The following MEGF11 variants were observed in gnomAD, a reference collection of about 807,000 sequenced individuals.
MEGF11 encodes multiple EGF like domains 11.
MEGF11 carries 126 observed loss-of-function variants against 146.6 expected under a neutral mutation model. The ratio of observed to expected loss-of-function variants is 0.86; its 90% CI spans 0.74 to 1.00. The LOEUF (loss-of-function observed/expected upper bound fraction) is 1.00, where lower values mean the gene tolerates loss of function less well. Ranked by LOEUF, MEGF11 falls within the 50% of genes least tolerant of loss-of-function variation. MEGF11 has a pLI of 0.00. For missense variants in MEGF11, 1,509 were observed against 1,521.2 expected (o/e 0.99, Z 0.13); for synonymous variants, 532 against 583.4 (o/e 0.91, Z 1.27).
intron 4 of MEGF11, among the ~76,000 whole-genome samples, chr15:66,114,027 A>G (rs2087589739): frequency 6.6e-6 from 1 of 152,220 alleles, no homozygotes; most frequent in Non-Finnish European, 1.5e-5. Context: ...ACTGGGGCCC[A>G]GCAGTCTGTG....
At chr15:66,106,886 A>G (rs527309283) in intron 4 of MEGF11, among the ~76,000 whole-genome samples, 1 of 152,254 alleles carries the variant, frequency 6.6e-6, no homozygotes, top group South Asian at 2.1e-4. Flanking sequence ...ATATTAAAAT[A>G]TTCCTCTTCT....
chr15:65,918,069 C>G lies in MEGF11; in HGVS notation c.1983G>C (p.Gln661His), dbSNP rs1005503563. ...NQVCAGGYFG[Q>H]DCAQLCSCAN... is the part of the protein sequence containing the mutation. ...CACAGGAGCAGAGCTGGGCACAGTC[C>G]TGCCCAAAGTATCCTCCAGCACACA... The change falls in exon 16 of 26, where the codon CAG becomes CAC. Residue 661 changes from glutamine (Q) to histidine (H), a missense_variant. Physicochemically the swap from Gln to His is conservative, Grantham distance 24. Coordinates refer to ENST00000395614, the MANE Select transcript of MEGF11 (RefSeq NM_001385028.1). 3.1e-6 allele frequency: 5 copies of G among 1,613,974 alleles called. No individual in the cohort carries two copies. The highest frequency in any genetic ancestry group is 4.2e-6 in the Non-Finnish European group (5 of 1,179,876).
chr15:65,937,491 T>G (rs1301332065), intron 10 of MEGF11, among the ~76,000 whole-genome samples: 1 of 152,070 alleles, frequency 6.6e-6, no homozygotes, highest in East Asian at 1.9e-4. Flanking sequence ...CTTGGTTTCT[T>G]TATCAATCAT....
intron 10 of MEGF11, among the ~76,000 whole-genome samples, chr15:65,956,206 C>G (rs1462468971): frequency 6.6e-6 from 1 of 152,150 alleles, no homozygotes; most frequent in Non-Finnish European, 1.5e-5. Context: ...CAAGTTGAGA[C>G]CCATGGCTAC....
chr15:66,055,162 T>C lies in MEGF11; in HGVS notation c.394+39240A>G, dbSNP rs952089756. On this transcript the variant is annotated intron_variant, in intron 5 of 25. Coordinates refer to ENST00000395614, the MANE Select transcript of MEGF11 (RefSeq NM_001385028.1). ...AAGTGCTCACTGCCCTTAGACAAGA[T>C]TCGTGGTCAAACTGTACCGGTTTAG... Among the ~76,000 whole-genome samples the C allele has an allele frequency of 4.7e-4, 72 of 152,204 alleles. 3 individuals are homozygous for C.
intron 5 of MEGF11, among the ~76,000 whole-genome samples, chr15:65,988,289 T>A (rs1288893280): frequency 6.6e-6 from 1 of 152,218 alleles, no homozygotes; most frequent in African/African-American, 2.4e-5. Flanking sequence ...ATTACAGACA[T>A]GAGCCACTGC....
chr15:66,071,484 T>A (rs921534364), intron 5 of MEGF11, among the ~76,000 whole-genome samples: 24 of 152,214 alleles, frequency 1.6e-4, no homozygotes, highest in African/African-American at 5.1e-4. Context: ...GCCCTGCTAA[T>A]CTTTATTTGC....
At chr15:66,169,570 A>G (rs1486808142) in intron 1 of MEGF11, among the ~76,000 whole-genome samples, 2 of 152,258 alleles carry the variant, frequency 1.3e-5, no homozygotes, top group Non-Finnish European at 2.9e-5. Flanking sequence ...TTATTCATCC[A>G]TAGTAATAGC....
chr15:65,954,886 C>T (rs1366044036), intron 10 of MEGF11, among the ~76,000 whole-genome samples: 5 of 152,118 alleles, frequency 3.3e-5, no homozygotes, highest in Admixed American at 3.3e-4. Flanking sequence ...GGAGGAAAGA[C>T]CCCCAGCAGA....
intron 19 of MEGF11, among the ~76,000 whole-genome samples, chr15:65,914,561 C>G (rs1196296550): frequency 6.6e-6 from 1 of 152,088 alleles, no homozygotes; most frequent in Non-Finnish European, 1.5e-5. Flanking sequence ...CAGGACCCCT[C>G]TTGGTTATAT....
chr15:65,953,632 A>G (rs2080478628), intron 10 of MEGF11, among the ~76,000 whole-genome samples: 1 of 152,194 alleles, frequency 6.6e-6, no homozygotes, highest in Admixed American at 6.5e-5. Context: ...GGGTCTGATT[A>G]GTCTTTCCAC....
chr15:65,905,539 T>C (rs2078600973), intron 24 of MEGF11: 1 of 152,292 alleles, frequency 6.6e-6, no homozygotes, highest in Admixed American at 6.5e-5. Flanking sequence ...GTAGACTTCC[T>C]AGAGGGATGA....
intron 9 of MEGF11, among the ~76,000 whole-genome samples, chr15:65,960,744 C>T (rs1356914711): frequency 6.6e-6 from 1 of 152,192 alleles, no homozygotes; most frequent in Non-Finnish European, 1.5e-5. Flanking sequence ...GGAGCTCATC[C>T]ATTACACGCT....
intron 5 of MEGF11, among the ~76,000 whole-genome samples, chr15:66,068,164 A>T (rs984728276): frequency 2.0e-5 from 3 of 152,190 alleles, no homozygotes; most frequent in Admixed American, 6.5e-5. Context: ...ATTATTCCTT[A>T]TAAGCTGTGA....
At chr15:66,219,922 G>A (rs1239273341) in intron 1 of MEGF11, among the ~76,000 whole-genome samples, 1 of 152,158 alleles carries the variant, frequency 6.6e-6, no homozygotes, top group East Asian at 1.9e-4. Context: ...AAGTTGAATA[G>A]TGTTCCCCAA....
At chr15:66,038,583 G>A (rs888619765) in intron 5 of MEGF11, among the ~76,000 whole-genome samples, 3 of 152,154 alleles carry the variant, frequency 2.0e-5, no homozygotes, top group Non-Finnish European at 1.5e-5. Flanking sequence ...CATGGGCGGT[G>A]TGCCAGGAGA....
intron 5 of MEGF11, among the ~76,000 whole-genome samples, chr15:66,080,367 C>T (rs560084214): frequency 6.7e-6 from 1 of 150,074 alleles, no homozygotes; most frequent in African/African-American, 2.4e-5. Context: ...AAAAGGGGGA[C>T]CGCAGCACAC....
intron 4 of MEGF11, among the ~76,000 whole-genome samples, chr15:66,116,198 T>G (rs2087721021): frequency 6.6e-6 from 1 of 151,936 alleles, no homozygotes; most frequent in African/African-American, 2.4e-5. Context: ...GGTGGCAGCA[T>G]TCTCTCCTGC....
chr15:66,143,182 C>A (rs1366694870), intron 1 of MEGF11, among the ~76,000 whole-genome samples: 2 of 152,154 alleles, frequency 1.3e-5, no homozygotes, highest in Non-Finnish European at 2.9e-5. Flanking sequence ...CCTGCATTTG[C>A]GAGAGGGAAC....
Sources: allele counts gnomAD v4.1 joint callset (sites outside exome capture counted in the v4.1 genomes callset), GRCh38; gene constraint gnomAD v4.1.1; transcripts MANE v1.5; gene names NCBI Gene and HGNC (gene_info 2026-07-23, HGNC 2026-07-21).